Variants in SNRPN observed in about 807,000 individuals in gnomAD.
The protein encoded by SNRPN is small nuclear ribonucleoprotein-associated protein N.
SNRPN carries 7 observed loss-of-function variants against 25.2 expected under a neutral mutation model. The ratio of observed to expected loss-of-function variants is 0.28; its 90% CI spans 0.16 to 0.52. The LOEUF is 0.52. Ranked by LOEUF, SNRPN falls within the 20% of genes least tolerant of loss-of-function variation. The pLI, the probability that SNRPN is intolerant of heterozygous loss-of-function variation, is 0.96. For synonymous variants in SNRPN, 124 were observed against 110.6 expected (o/e 1.12, Z -0.76); for missense variants, 196 against 322.5 (o/e 0.61, Z 3.00).
intron 2 of SNRPN, chr15:24,909,424 T>C: frequency 2.5e-6 from 4 of 1,593,802 alleles, no homozygotes; most frequent in Non-Finnish European, 3.4e-6. Context: ...CATCAATGCT[T>C]TCCACAATGT....
At chr15:24,937,597 G>C (rs114138819) in intron 3 of SNRPN, among the ~76,000 whole-genome samples, 6,085 of 152,088 alleles carry the variant, frequency 0.04, 411 homozygotes, top group African/African-American at 0.14. Flanking sequence ...GCTACTTTTT[G>C]ATAATGCTTT....
At chr15:24,896,279 A>C (rs1566884079) in intron 2 of SNRPN, among the ~76,000 whole-genome samples, 1 of 152,146 alleles carries the variant, frequency 6.6e-6, no homozygotes, top group Non-Finnish European at 1.5e-5. Flanking sequence ...CTCTCATTCA[A>C]TTCCCTTTCC....
chr15:24,881,077 T>A (rs879504075), intron 1 of SNRPN, among the ~76,000 whole-genome samples: 3 of 152,058 alleles, frequency 2.0e-5, no homozygotes, highest in Non-Finnish European at 4.4e-5. Flanking sequence ...TAAAAAAAAA[T>A]TGAGCCTCCA....
At chr15:24,865,471 T>C (rs887900245) in intron 1 of SNRPN, among the ~76,000 whole-genome samples, 3 of 152,208 alleles carry the variant, frequency 2.0e-5, no homozygotes, top group Admixed American at 6.5e-5. Context: ...TGGTGGGCTC[T>C]TATCAGGAGA....
At chr15:24,927,041 T>C (rs1044051658) in intron 3 of SNRPN, among the ~76,000 whole-genome samples, 1 of 152,008 alleles carries the variant, frequency 6.6e-6, no homozygotes, top group Admixed American at 6.6e-5. Flanking sequence ...AAACCTACCC[T>C]TTATCCAGAT....
intron 2 of SNRPN, among the ~76,000 whole-genome samples, chr15:24,831,536 T>C (rs1315710407): frequency 6.6e-6 from 1 of 152,096 alleles, no homozygotes; most frequent in African/African-American, 2.4e-5. Context: ...AATTTATTGT[T>C]AACTATAGTT....
chr15:24,905,498 G>A (rs2058740563), intron 2 of SNRPN, among the ~76,000 whole-genome samples: 1 of 124,144 alleles, frequency 8.1e-6, no homozygotes, highest in Non-Finnish European at 1.6e-5. Flanking sequence ...GACAGAGTGA[G>A]ACTCCATCTC....
At chr15:24,959,737 A>T (rs1250787600) in intron 1 of SNRPN, among the ~76,000 whole-genome samples, 2 of 152,224 alleles carry the variant, frequency 1.3e-5, no homozygotes, top group African/African-American at 4.8e-5. Flanking sequence ...TGGCTGAAAG[A>T]CATTCGTTTG....
intron 7 of SNRPN, 130 bp downstream of exon 7, chr15:24,977,159 C>CA: frequency 1.6e-6 from 1 of 621,796 alleles, no homozygotes; most frequent in South Asian, 3.4e-5. Flanking sequence ...AACCAAAACA[C>CA]AGATATATGG....
At chr15:24,919,453 A>G (rs553499373) in intron 2 of SNRPN, among the ~76,000 whole-genome samples, 1 of 151,862 alleles carries the variant, frequency 6.6e-6, no homozygotes, top group African/African-American at 2.4e-5. Flanking sequence ...AAAATATTCA[A>G]TTATGCTTGT....
At chr15:24,858,079 C>A (rs12592980) in intron 1 of SNRPN, among the ~76,000 whole-genome samples, 11,537 of 152,162 alleles carry the variant, frequency 0.076, 530 homozygotes, top group South Asian at 0.19. Context: ...ACTGACTGAG[C>A]TTAGGTTTCA....
At chr15:24,872,775 T>C (rs151271741) in intron 1 of SNRPN, among the ~76,000 whole-genome samples, 3,493 of 66,630 alleles carry the variant, frequency 0.052, 701 homozygotes, top group African/African-American at 0.17. Flanking sequence ...AAAAGCTGGG[T>C]GCGGTGGCTT....
At chr15:24,923,358 C>T (rs2060151042) in intron 3 of SNRPN, among the ~76,000 whole-genome samples, 2 of 152,106 alleles carry the variant, frequency 1.3e-5, no homozygotes, top group Admixed American at 1.3e-4. Flanking sequence ...ATTCATGGAT[C>T]TTCAATTCAA....
upstream of SNRPN, among the ~76,000 whole-genome samples, chr15:24,855,516 G>A (rs557183514): frequency 5.3e-5 from 8 of 152,184 alleles, no homozygotes; most frequent in Non-Finnish European, 7.4e-5. Flanking sequence ...AGGGCCAGGC[G>A]CAGTGGCTCA....
intron 2 of SNRPN, among the ~76,000 whole-genome samples, chr15:24,889,459 C>T (rs942136665): frequency 8.6e-5 from 13 of 151,726 alleles, no homozygotes; most frequent in African/African-American, 2.2e-4. Flanking sequence ...CCTGCCACCA[C>T]GCCCAGCTAA....
intron 2 of SNRPN, among the ~76,000 whole-genome samples, chr15:24,890,047 CAAAA>C (rs538959500): frequency 2.4e-5 from 2 of 84,656 alleles, no homozygotes; most frequent in Admixed American, 1.4e-4. Flanking sequence ...AACTCCATTT[CAAAA>C]AAAAAAAAAA....
intron 3 of SNRPN, among the ~76,000 whole-genome samples, chr15:24,943,041 T>TG (rs771075992): frequency 6.7e-6 from 1 of 150,272 alleles, no homozygotes; most frequent in African/African-American, 2.5e-5. Flanking sequence ...TTTTTTTTTT[T>TG]GGGGCTGATT....
intron 2 of SNRPN, among the ~76,000 whole-genome samples, chr15:24,893,934 G>A (rs34430277): frequency 0.04 from 6,039 of 152,226 alleles, 151 homozygotes; most frequent in Non-Finnish European, 0.057. Context: ...AACCCAATCC[G>A]TAAGCCTTTT....
At chr15:24,968,285 T>G (rs1350954070) in intron 3 of SNRPN, 13 of 432,664 alleles carry the variant, frequency 3.0e-5, no homozygotes, top group East Asian at 8.6e-5. Context: ...TTCCAGTTAT[T>G]GTAGCGCATG....
Sources: allele counts gnomAD v4.1 joint callset (sites outside exome capture counted in the v4.1 genomes callset), GRCh38; gene constraint gnomAD v4.1.1; transcripts MANE v1.5; gene names NCBI Gene and HGNC (gene_info 2026-07-23, HGNC 2026-07-21).